Variants in DNAH10 observed in about 807,000 individuals in gnomAD.
The protein encoded by DNAH10 is dynein axonemal heavy chain 10.
Under a neutral mutation model 506.6 loss-of-function variants are expected in DNAH10, and 348 were observed. The observed-to-expected ratio is 0.69, with a 90% CI of 0.63 to 0.75. The LOEUF (loss-of-function observed/expected upper bound fraction) is 0.75. DNAH10 is among the 30% of genes least tolerant of loss of function. DNAH10 has a pLI of 0.00. For missense variants in DNAH10, 5,179 were observed against 5,787.1 expected, an observed-to-expected ratio of 0.89 and a Z score of 3.41; for synonymous variants, 2,059 against 2,198.6, an observed-to-expected ratio of 0.94 and a Z score of 1.78.
At position 123,928,305 on chromosome 12, in the gene DNAH10, G is replaced by A. The variant is rs1035553285; in HGVS notation, c.12106-82G>A. ...CTGCTGGAGCTGCCATCGCCCTTCT[G>A]TGGGTGTGGAGTGGGTCTCTGGAGA... is the stretch of plus-strand genomic sequence containing the variant. On this transcript the variant is annotated intron_variant, in intron 69 of 78. Transcript: ENST00000673944. This position sits in a 1 kb window ranked among gnomAD's most constrained non-coding sequence, Gnocchi z 4.9. 2.7e-5 allele frequency: 40 copies of A among 1,456,832 alleles called. No individual in the cohort carries two copies. Among genetic ancestry groups the A allele is most frequent in the Non-Finnish European group, 3.5e-5 (38 of 1,082,076 alleles). The allele number at this position is 1,456,832 out of a possible 1,614,324, so 90.2% of individuals were successfully genotyped here.
rs1328910896 is a variant in DNAH10, at chr12:123,929,021, T to G, written c.12307-254T>G. On this transcript the variant is annotated intron_variant, in intron 70 of 78. Coordinates refer to ENST00000673944, the MANE Select transcript of DNAH10 (RefSeq NM_001372106.1). Reference sequence around the variant, plus strand: ...GGGGAGGTGGAGGGAAGACTTTACTTTCATTTTATATATAGTAAAGGATCT... The same window carrying G: ...GGGGAGGTGGAGGGAAGACTTTACTGTCATTTTATATATAGTAAAGGATCT... The G allele has an allele frequency of 7.2e-6, 4 of 557,412 alleles. No individual in the cohort carries two copies. The East Asian group carries it at 1.2e-4, about 17-fold the overall frequency. The allele number at this position is 557,412 out of a possible 1,614,324, so 34.5% of individuals were successfully genotyped here.
intron 51 of DNAH10, among the ~76,000 whole-genome samples, chr12:123,886,312 G>A (rs549921394): frequency 6.6e-6 from 1 of 152,262 alleles, no homozygotes; most frequent in South Asian, 2.1e-4. Context: ...AAGTGGCGAG[G>A]GTTGGGTAGT....
At chr12:123,843,118 G>A (rs1950828079) in intron 30 of DNAH10, among the ~76,000 whole-genome samples, 1 of 152,224 alleles carries the variant, frequency 6.6e-6, no homozygotes, top group Non-Finnish European at 1.5e-5. Flanking sequence ...CTGAGTTGGT[G>A]GAAGAGAGTA....
rs1953049136 is a variant in DNAH10, at chr12:123,892,864, T to TG, written c.8996-368dup. Among the ~76,000 whole-genome samples, 3 of 152,178 alleles carry TG rather than the reference T, an allele frequency of 2.0e-5. No individual in the cohort carries two copies. In the South Asian group the frequency reaches 6.2e-4, roughly 32 times the overall value. ...ATTAGATGCCAGTAGCAACCTCCCT[T>TG]GCAACAAGCAGAAATATCTCCAGAC... On this transcript the variant is annotated intron_variant, in intron 52 of 78. Coordinates refer to ENST00000673944, the MANE Select transcript of DNAH10 (RefSeq NM_001372106.1).
chr12:123,816,303 T>C (rs924588952), intron 21 of DNAH10, among the ~76,000 whole-genome samples: 13 of 152,040 alleles, frequency 8.6e-5, no homozygotes, highest in African/African-American at 2.9e-4. Flanking sequence ...TATTTAGAGG[T>C]TTGGAACTTT....
At chr12:123,892,678 A>G (rs1953037759) in intron 52 of DNAH10, among the ~76,000 whole-genome samples, 1 of 152,226 alleles carries the variant, frequency 6.6e-6, no homozygotes, top group African/African-American at 2.4e-5. Context: ...CATAAAATGT[A>G]TTGCATAATT....
intron 8 of DNAH10, among the ~76,000 whole-genome samples, chr12:123,784,546 C>CA (rs145621815): frequency 3.3e-5 from 5 of 151,178 alleles, no homozygotes; most frequent in Non-Finnish European, 5.9e-5. Context: ...GACCCTGTCT[C>CA]AAAAAAAACC....
intron 31 of DNAH10, 23 bp from the exon 32 acceptor site, chr12:123,845,948 C>G (rs755054206): frequency 6.2e-7 from 1 of 1,613,226 alleles, no homozygotes; most frequent in South Asian, 1.1e-5. Context: ...GTTTCCACTT[C>G]CTCCACCTTT....
In DNAH10 at chr12:123,917,746, C is replaced by T. The variant is rs755938878; in HGVS notation, c.11165C>T (p.Thr3722Met). The change falls in exon 64 of 79, where the codon ACG (threonine) becomes ATG (methionine). Residue 3722 changes from threonine to methionine, a missense_variant. Transcript: ENST00000673944. The surrounding 1 kb of genome is among the most constrained non-coding windows in gnomAD (Gnocchi z 5.6). ...CTCCTTCGGGAGCTGGCCACGTCCA[C>T]GGGGAACATGCTGGACAATGTGGAC... ...DSLLRELATS[T>M]GNMLDNVDLV... 69 of 1,574,460 alleles carry T rather than the reference C, an allele frequency of 4.4e-5. No individual in the cohort carries two copies. The highest frequency in any genetic ancestry group is 3.0e-4 in the African/African-American group (22 of 73,864).
chr12:123,810,925 C>T (rs1958910108), intron 19 of DNAH10, among the ~76,000 whole-genome samples: 1 of 152,078 alleles, frequency 6.6e-6, no homozygotes, highest in East Asian at 1.9e-4. Context: ...AACTTTCCTC[C>T]TTACTAATAG....
In DNAH10 at chr12:123,785,834, G is replaced by A. The variant is rs769259387; in HGVS notation, c.1319G>A (p.Arg440Gln). ...CTGCGGATGGTGTGGATCATCTCCC[G>A]ACACTACAACAAAGACGAGAGGATG... The part of the protein sequence containing the change: ...SALRMVWIIS[R>Q]HYNKDERMIP... Residue 440 changes from arginine to glutamine, a missense_variant, in exon 9 of 79, where the codon CGA becomes CAA. Arg to Gln is a conservative substitution (Grantham distance 43). This residue lies in a region of DNAH10 where 4,844 missense variants were observed against 5,430.5 expected (regional missense o/e 0.89). Transcript: ENST00000673944. This position sits in a 1 kb window ranked among gnomAD's most constrained non-coding sequence, Gnocchi z 4.1. The A allele has an allele frequency of 7.4e-6, 12 of 1,613,910 alleles. No individual in the cohort carries two copies. Among genetic ancestry groups the A allele is most frequent in the African/African-American group, 4.0e-5 (3 of 74,884 alleles).
intron 41 of DNAH10, among the ~76,000 whole-genome samples, chr12:123,866,820 A>G (rs1004397758): frequency 3.3e-5 from 5 of 152,210 alleles, no homozygotes; most frequent in Non-Finnish European, 5.9e-5. Context: ...GTCTTAACAA[A>G]AGGCTTCTGT....
At chr12:123,901,891 C>T (rs896840996) in intron 56 of DNAH10, among the ~76,000 whole-genome samples, 3 of 152,094 alleles carry the variant, frequency 2.0e-5, no homozygotes, top group African/African-American at 7.2e-5. Context: ...GAACTCCCAA[C>T]CTTAGGTGAT....
intron 42 of DNAH10, 94 bp from the exon 43 acceptor site, chr12:123,867,809 C>T (rs1389652403): frequency 1.6e-5 from 22 of 1,383,228 alleles, no homozygotes; most frequent in East Asian, 7.3e-5. Flanking sequence ...ATGCTCCCAT[C>T]GCTCTGGGAC....
intron 13 of DNAH10, among the ~76,000 whole-genome samples, chr12:123,797,155 G>A (rs1958309040): frequency 6.6e-6 from 1 of 152,158 alleles, no homozygotes; most frequent in Non-Finnish European, 1.5e-5. Flanking sequence ...ACAGGCGTAA[G>A]CCATAGCACC....
intron 10 of DNAH10, among the ~76,000 whole-genome samples, chr12:123,789,197 A>G (rs529786552): frequency 1.3e-4 from 20 of 151,692 alleles, no homozygotes; most frequent in Non-Finnish European, 8.8e-5. Flanking sequence ...GCAGTGAGCT[A>G]TTGTGCCACT....
At chr12:123,792,400 A>G (rs1003598849) in intron 11 of DNAH10, among the ~76,000 whole-genome samples, 10 of 151,476 alleles carry the variant, frequency 6.6e-5, no homozygotes, top group Admixed American at 6.6e-4. Flanking sequence ...CCTTCCTCCC[A>G]GAGCTCATTG....
chr12:123,771,472 G>A (rs563154123), intron 2 of DNAH10, 129 bp from the exon 3 acceptor site: 7 of 737,128 alleles, frequency 9.5e-6, no homozygotes, highest in South Asian at 7.6e-5. Context: ...GGAACAGAAG[G>A]TATGCACAGC....
At chr12:123,889,794 T>TTAA (rs745723778) in intron 52 of DNAH10, among the ~76,000 whole-genome samples, 23 of 152,158 alleles carry the variant, frequency 1.5e-4, no homozygotes, top group South Asian at 4.1e-4. Flanking sequence ...TCTTAAGGGG[T>TTAA]TAAGATCAGG....
Sources: allele counts gnomAD v4.1 joint callset (sites outside exome capture counted in the v4.1 genomes callset), GRCh38; gene constraint gnomAD v4.1.1; regional missense constraint gnomAD v4.1.1; non-coding constraint Gnocchi (gnomAD v3.1); transcripts MANE v1.5; gene names NCBI Gene and HGNC (gene_info 2026-07-23, HGNC 2026-07-21).